PTPRF: variants seen among roughly 807,000 people sequenced by gnomAD.
PTPRF encodes protein tyrosine phosphatase receptor type F.
PTPRF carries 59 observed loss-of-function variants against 201.8 expected under a neutral mutation model. The observed-to-expected ratio is 0.29, with a 90% confidence interval of 0.24 to 0.36. The LOEUF (loss-of-function observed/expected upper bound fraction) is 0.36, where lower values mean the gene tolerates loss of function less well. Ranked by LOEUF, PTPRF falls within the 10% of genes least tolerant of loss-of-function variation. PTPRF has a pLI of 1.00. For synonymous variants in PTPRF, 1,088 were observed against 1,089.7 expected, an observed-to-expected ratio of 1.00 and a Z score of 0.03; for missense variants, 2,132 against 2,690.5, an observed-to-expected ratio of 0.79 and a Z score of 4.59.
intron 13 of PTPRF, 105 bp from the exon 14 acceptor site, chr1:43,601,966 C>T: frequency 7.3e-7 from 1 of 1,373,868 alleles, no homozygotes; most frequent in Non-Finnish European, 1.0e-6. Context: ...GGCCCAAAAG[C>T]CCTCCCTCTG....
rs928942520 is a variant in PTPRF at position 43,606,817 on chromosome 1, C to A, written c.3706C>A (p.Arg1236Ser). ...GCTGTTCTCCACCGGGCCACAGAAG[C>A]GCTATGCCTCCAGCCCCTACTCGGA... Reference protein sequence around the residue: ...ASLKEPMDQKRYASSPYSDEI... With the variant: ...ASLKEPMDQKSYASSPYSDEI... Residue 1236 changes from arginine to serine, a missense_variant, in exon 21 of 34, where the codon CGC (arginine) becomes AGC (serine). By Grantham distance (110) the Arg-to-Ser change is moderately radical. Transcript: ENST00000359947. 6.2e-7 allele frequency: 1 copy of A among 1,613,222 alleles called. No individual in the cohort carries two copies. Among genetic ancestry groups the A allele is most frequent in the Admixed American group, 1.7e-5 (1 of 60,008 alleles).
In PTPRF at chr1:43,603,045, T is replaced by C. The variant is rs1326676699; in HGVS notation, c.2341-371T>C. On this transcript the variant is annotated intron_variant, in intron 14 of 33. Transcript: ENST00000359947. The surrounding 1 kb of genome is among the most constrained non-coding windows in gnomAD (Gnocchi z 5.8). ...GCTTATGCAGGAGCTGTAGGCTGTG[T>C]GCGTGTGGCTGCCAAGAGCCACGCA... Among the ~76,000 whole-genome samples, 5 of 152,200 alleles carry C rather than the reference T, an allele frequency of 3.3e-5. No homozygotes were observed. The highest frequency in any genetic ancestry group is 3.3e-4 in the Admixed American group (5 of 15,288).
chr1:43,619,545 G>A lies in PTPRF; in HGVS notation c.4904G>A (p.Ser1635Asn). ...QKLGQVPPGE[S>N]VTAMELEFKL... ...CTGGGCCAAGTGCCTCCAGGGGAGAGTGTGACCGCCATGGAGCTCGAGTTC... is the reference window on the plus strand; with the variant it reads ...CTGGGCCAAGTGCCTCCAGGGGAGAATGTGACCGCCATGGAGCTCGAGTTC... The change falls in exon 28 of 34, where the codon AGT (serine) becomes AAT (asparagine). Residue 1635 changes from serine to asparagine, a missense_variant. Transcript: ENST00000359947. 6.2e-7 allele frequency: 1 copy of A among 1,613,422 alleles called. No individual in the cohort carries two copies. The highest frequency in any genetic ancestry group is 1.1e-5 in the South Asian group (1 of 91,072).
chr1:43,574,504 AT>A (rs1334915999), intron 6 of PTPRF, among the ~76,000 whole-genome samples: 3 of 152,174 alleles, frequency 2.0e-5, no homozygotes, highest in African/African-American at 4.8e-5. Context: ...AATCTCTTTA[AT>A]TTGGGACTTA....
In PTPRF at chr1:43,603,655, A is replaced by T; in HGVS notation, c.2503A>T (p.Thr835Ser). 6.2e-7 allele frequency: 1 copy of T among 1,613,564 alleles called. No individual in the cohort carries two copies. Reference sequence around the variant, plus strand: ...GATGATCAGCACCACGGCCATGAACACTGCGCTGCTCCAGTGGCACCCACC... The same window carrying T: ...GATGATCAGCACCACGGCCATGAACTCTGCGCTGCTCCAGTGGCACCCACC... ...TMMISTTAMN[T>S]ALLQWHPPKE... The change falls in exon 16 of 34, where the codon ACT becomes TCT. Residue 835 changes from threonine to serine, a missense_variant. Around this residue, in one of 6 missense-constraint regions of PTPRF, gnomAD observed 818 missense variants for 915.3 expected, o/e 0.89. Coordinates refer to ENST00000359947, the MANE Select transcript of PTPRF (RefSeq NM_002840.5). The surrounding 1 kb of genome is among the most constrained non-coding windows in gnomAD (Gnocchi z 5.8).
In PTPRF at chr1:43,554,629, G is replaced by A. The variant is rs1158636630; in HGVS notation, c.379+688G>A. Among the ~76,000 whole-genome samples the A allele has an allele frequency of 6.6e-6, 1 of 152,042 alleles. No individual in the cohort carries two copies. The highest frequency in any genetic ancestry group is 1.5e-5 in the Non-Finnish European group (1 of 68,022). On this transcript the variant is annotated intron_variant, in intron 5 of 33. Transcript: ENST00000359947. The surrounding 1 kb of genome is among the most constrained non-coding windows in gnomAD (Gnocchi z 4.1). Reference sequence around the variant, plus strand: ...GCAGAGGGGGAGCTAGAGAGCACAGGAAGAAGGAGAAAGCAATTCAGCATG... The same window carrying A: ...GCAGAGGGGGAGCTAGAGAGCACAGAAAGAAGGAGAAAGCAATTCAGCATG...
chr1:43,582,118 C>T (rs1647825566), intron 7 of PTPRF, among the ~76,000 whole-genome samples: 1 of 152,232 alleles, frequency 6.6e-6, no homozygotes, highest in Non-Finnish European at 1.5e-5. Flanking sequence ...GTCTACCTCA[C>T]ATCTCCCTTC....
rs767132638 is a variant in PTPRF at position 43,604,173 on chromosome 1, C to G, written c.3021C>G (p.Thr1007=). The G allele has an allele frequency of 3.1e-6, 5 of 1,613,884 alleles. No homozygotes were observed. Among genetic ancestry groups the G allele is most frequent in the Middle Eastern group, 1.7e-4 (1 of 6,060 alleles). ...GPLSPSIQSR[T]MPVEQVFAKN... ...TCAGCCCCAGCATCCAGTCCCGGAC[C>G]ATGCCGGTGGAGCAAGGTGTGTGCT... Residue 1007 remains threonine, a synonymous_variant, in exon 16 of 34, where the codon ACC becomes ACG. Transcript: ENST00000359947.
chr1:43,535,100 G>A (rs1459263040), intron 1 of PTPRF, among the ~76,000 whole-genome samples: 1 of 152,162 alleles, frequency 6.6e-6, no homozygotes, highest in Non-Finnish European at 1.5e-5. Flanking sequence ...CCTTTAATGA[G>A]AAGATAGACT....
Position 43,609,376 on chromosome 1 carries a change from T to C in PTPRF, c.3858-7T>C. The stretch of plus-strand genomic sequence containing the variant: ...GGTTCTCACCAGCCTCCCTTCTGTC[T>C]CTCTAGGAAAAGGACCCACTCTCCG... On this transcript the variant is annotated splice_region_variant and splice_polypyrimidine_tract_variant and intron_variant, in intron 21 of 33. Transcript: ENST00000359947. 4.3e-6 allele frequency: 7 copies of C among 1,612,646 alleles called. No individual in the cohort carries two copies. The highest frequency in any genetic ancestry group is 5.9e-6 in the Non-Finnish European group (7 of 1,178,944).
At chr1:43,590,643 A>C (rs896765837) in intron 8 of PTPRF, among the ~76,000 whole-genome samples, 1 of 152,180 alleles carries the variant, frequency 6.6e-6, no homozygotes, top group African/African-American at 2.4e-5. Context: ...TTTCATCTAC[A>C]TGGGACTGCA....
intron 22 of PTPRF, among the ~76,000 whole-genome samples, chr1:43,609,967 A>G (rs528706434): frequency 6.6e-6 from 1 of 152,222 alleles, no homozygotes; most frequent in South Asian, 2.1e-4. Context: ...CATACCACGT[A>G]CCTGCCCCTT....
chr1:43,600,170 T>G (rs1653397235), intron 13 of PTPRF, among the ~76,000 whole-genome samples: 1 of 152,190 alleles, frequency 6.6e-6, no homozygotes, highest in Admixed American at 6.5e-5. Context: ...CCTGCATTCC[T>G]GGGGCAGGTT....
intron 8 of PTPRF, among the ~76,000 whole-genome samples, chr1:43,589,882 C>T (rs61769645): frequency 1.3e-5 from 2 of 151,582 alleles, no homozygotes; most frequent in Non-Finnish European, 2.9e-5. Context: ...AAAAAAAAAC[C>T]AGATTCCTTC....
chr1:43,590,851 G>C, intron 8 of PTPRF, 121 bp from the exon 9 acceptor site: 1 of 928,744 alleles, frequency 1.1e-6, no homozygotes, highest in Admixed American at 2.3e-5. Context: ...TTCAAGGTAG[G>C]CTGTGGGTAT....
Position 43,592,654 on chromosome 1 carries a change from C to T in PTPRF, c.1813+53C>T, listed in dbSNP as rs1474754568. 6 of 1,486,272 alleles carry T rather than the reference C, an allele frequency of 4.0e-6. No individual in the cohort carries two copies. In the Admixed American group the frequency reaches 6.1e-5, roughly 15 times the overall value. 92.1% of individuals were successfully genotyped at this position (1,486,272 alleles called of 1,614,324 possible). ...TTACACCTGGGCTGGGACACACACACACACATGCACACACATCCTTCCCCC... is the reference window on the plus strand; with the variant it reads ...TTACACCTGGGCTGGGACACACACATACACATGCACACACATCCTTCCCCC... On this transcript the variant is annotated intron_variant, in intron 11 of 33. Transcript: ENST00000359947.
chr1:43,525,222 G>A (rs1460741391), upstream of PTPRF: 1 of 152,522 alleles, frequency 6.6e-6, no homozygotes, highest in Non-Finnish European at 1.5e-5. Context: ...GAGATCTGAT[G>A]AGACGGAGCA....
Position 43,617,709 on chromosome 1 carries a change from CCCTCCCA to C in PTPRF, c.4196-21_4196-15del, listed in dbSNP as rs1381364752. The stretch of plus-strand genomic sequence containing the variant: ...CTGGGCTGGGGACCCTGTAGTAATG[CCCTCCCA>C]CCTCCTTTCTTATCCATAGGCGTCC... On this transcript the variant is annotated intron_variant, in intron 24 of 33. Coordinates refer to ENST00000359947, the MANE Select transcript of PTPRF (RefSeq NM_002840.5). 1 of 1,605,436 alleles carries C rather than the reference CCCTCCCA, an allele frequency of 6.2e-7. No homozygotes were observed. Among genetic ancestry groups the C allele is most frequent in the Non-Finnish European group, 8.5e-7 (1 of 1,173,930 alleles).
At chr1:43,540,451 T>C (rs1354513682) in intron 2 of PTPRF, among the ~76,000 whole-genome samples, 2 of 151,950 alleles carry the variant, frequency 1.3e-5, no homozygotes, top group Non-Finnish European at 2.9e-5. Flanking sequence ...GTACAGAGGC[T>C]TGGAGGCACA....
Sources: allele counts gnomAD v4.1 joint callset (sites outside exome capture counted in the v4.1 genomes callset), GRCh38; gene constraint gnomAD v4.1.1; regional missense constraint gnomAD v4.1.1; non-coding constraint Gnocchi (gnomAD v3.1); transcripts MANE v1.5; gene names NCBI Gene and HGNC (gene_info 2026-07-23, HGNC 2026-07-21).